The following SUGCT variants were observed in gnomAD, a reference collection of about 807,000 sequenced individuals.
The protein encoded by SUGCT is succinyl-CoA:glutarate-CoA transferase.
Under a neutral mutation model 55.0 loss-of-function variants are expected in SUGCT, and 41 were observed. The observed-to-expected ratio is 0.74, with a 90% CI of 0.58 to 0.97. The LOEUF (loss-of-function observed/expected upper bound fraction) is 0.97. SUGCT is among the 50% of genes least tolerant of loss of function. SUGCT has a pLI of 0.00. For synonymous variants in SUGCT, 187 were observed against 200.4 expected (o/e 0.93, Z 0.56); for missense variants, 568 against 547.8 (o/e 1.04, Z -0.37).
chr7:40,573,227 A>T (rs1796550075), intron 12 of SUGCT, among the ~76,000 whole-genome samples: 2 of 152,208 alleles, frequency 1.3e-5, no homozygotes, highest in African/African-American at 2.4e-5. Context: ...CAACCAATAC[A>T]GCAAATCTGT....
chr7:41,016,636 C>T, the SUGCT span, among the ~76,000 whole-genome samples: 1 of 152,208 alleles, frequency 6.6e-6, no homozygotes, highest in African/African-American at 2.4e-5. Flanking sequence ...CTGTGGTTAA[C>T]ATCATCCAGG....
intron 9 of SUGCT, among the ~76,000 whole-genome samples, chr7:40,377,203 CTTTTCT>C (rs1296459386): frequency 0.041 from 483 of 11,848 alleles, 118 homozygotes; most frequent in Middle Eastern, 0.2. Flanking sequence ...TCTTTCTTTT[CTTTTCT>C]TTTCTTTCTT....
chr7:41,038,156 G>A, the SUGCT span, among the ~76,000 whole-genome samples: 1 of 152,174 alleles, frequency 6.6e-6, no homozygotes, highest in Non-Finnish European at 1.5e-5. Flanking sequence ...CCTGCCCGGA[G>A]CTGGGACAGG....
intron 9 of SUGCT, among the ~76,000 whole-genome samples, chr7:40,336,998 A>C (rs1429220700): frequency 1.3e-5 from 2 of 152,050 alleles, no homozygotes; most frequent in Non-Finnish European, 2.9e-5. Context: ...GCCTTCATTT[A>C]ATTATGTACC....
At chr7:40,847,964 G>A (rs530755526) in intron 13 of SUGCT, among the ~76,000 whole-genome samples, 1 of 152,270 alleles carries the variant, frequency 6.6e-6, no homozygotes, top group African/African-American at 2.4e-5. Flanking sequence ...AAAAGGCCTT[G>A]GGCATCTATG....
At chr7:40,483,261 C>T (rs1452274371) in intron 11 of SUGCT, among the ~76,000 whole-genome samples, 4 of 152,036 alleles carry the variant, frequency 2.6e-5, no homozygotes, top group East Asian at 1.9e-4. Context: ...AGGGACATTT[C>T]GTATAGGTAA....
intron 7 of SUGCT, among the ~76,000 whole-genome samples, chr7:40,239,789 C>A (rs1193806050): frequency 6.6e-6 from 1 of 152,164 alleles, no homozygotes; most frequent in African/African-American, 2.4e-5. Flanking sequence ...TGGTATGTGC[C>A]AAACATTGCT....
the SUGCT span, among the ~76,000 whole-genome samples, chr7:40,970,449 G>A: frequency 1.3e-5 from 2 of 152,162 alleles, no homozygotes; most frequent in Non-Finnish European, 2.9e-5. Context: ...TGGGACTACA[G>A]GCATGAGCCA....
intron 12 of SUGCT, among the ~76,000 whole-genome samples, chr7:40,533,089 C>T (rs1794180672): frequency 6.6e-6 from 1 of 152,000 alleles, no homozygotes; most frequent in South Asian, 2.1e-4. Flanking sequence ...AAGTAATATG[C>T]CCTGTAATAG....
At chr7:40,166,729 A>G (rs1784439125) in intron 1 of SUGCT, among the ~76,000 whole-genome samples, 1 of 152,136 alleles carries the variant, frequency 6.6e-6, no homozygotes, top group South Asian at 2.1e-4. Flanking sequence ...TCCACTAAAA[A>G]TACAAAAATT....
At chr7:40,233,250 TG>T (rs1788824253) in intron 6 of SUGCT, among the ~76,000 whole-genome samples, 1 of 152,022 alleles carries the variant, frequency 6.6e-6, no homozygotes, top group Admixed American at 6.6e-5. Context: ...GATGGAGTCT[TG>T]CCCTGTCGCC....
chr7:40,330,328 T>C (rs957295583), intron 9 of SUGCT, among the ~76,000 whole-genome samples: 1 of 152,196 alleles, frequency 6.6e-6, no homozygotes, highest in African/African-American at 2.4e-5. Flanking sequence ...AAGGTGAATA[T>C]AGGGACATTT....
chr7:40,847,164 G>C (rs1177874535), intron 13 of SUGCT, among the ~76,000 whole-genome samples: 1 of 152,106 alleles, frequency 6.6e-6, no homozygotes, highest in Non-Finnish European at 1.5e-5. Flanking sequence ...CTGAAACTGA[G>C]GCATGTGTCA....
At chr7:40,666,598 A>G (rs1055729888) in intron 12 of SUGCT, among the ~76,000 whole-genome samples, 13 of 152,062 alleles carry the variant, frequency 8.5e-5, no homozygotes, top group African/African-American at 2.9e-4. Flanking sequence ...TGTGGAATGG[A>G]AAAAAGGAAA....
At chr7:40,771,765 T>C (rs1039775696) in intron 13 of SUGCT, among the ~76,000 whole-genome samples, 1 of 152,226 alleles carries the variant, frequency 6.6e-6, no homozygotes, top group African/African-American at 2.4e-5. Context: ...TAAAAACATG[T>C]AATCTAATAG....
At chr7:40,146,244 T>G (rs934489751) in intron 1 of SUGCT, among the ~76,000 whole-genome samples, 2 of 152,220 alleles carry the variant, frequency 1.3e-5, no homozygotes, top group African/African-American at 4.8e-5. Flanking sequence ...CGCAGGTTAC[T>G]GGGTTAAGGA....
chr7:40,138,582 A>G (rs1787817653), intron 1 of SUGCT, among the ~76,000 whole-genome samples: 1 of 152,208 alleles, frequency 6.6e-6, no homozygotes, highest in Admixed American at 6.5e-5. Flanking sequence ...ACTGTTTTCC[A>G]TAGAAGGTGC....
chr7:40,520,219 A>T (rs529987174), intron 12 of SUGCT, among the ~76,000 whole-genome samples: 23 of 152,274 alleles, frequency 1.5e-4, no homozygotes, highest in African/African-American at 4.6e-4. Context: ...GACACATGGT[A>T]TCCTTACAAT....
At chr7:40,231,795 A>G (rs565005858) in intron 6 of SUGCT, among the ~76,000 whole-genome samples, 1 of 152,304 alleles carries the variant, frequency 6.6e-6, no homozygotes, top group South Asian at 2.1e-4. Context: ...GTACTGATTT[A>G]CCTTTTCAAA....
Sources: allele counts gnomAD v4.1 joint callset (sites outside exome capture counted in the v4.1 genomes callset), GRCh38; gene constraint gnomAD v4.1.1; transcripts MANE v1.5; gene names NCBI Gene and HGNC (gene_info 2026-07-23, HGNC 2026-07-21).